The following SOX5 variants were observed in gnomAD, a reference collection of about 807,000 sequenced individuals.
The protein encoded by SOX5 is SRY-box transcription factor 5, also known as transcription factor SOX-5.
In SOX5, 9 loss-of-function variants were observed where a neutral mutation model predicts 92.0. The observed-to-expected ratio is 0.10, with a 90% CI of 0.06 to 0.17. The LOEUF (loss-of-function observed/expected upper bound fraction) is 0.17. Among genes scored for constraint, SOX5 ranks in the 10% least tolerant of loss-of-function variants. The pLI is 1.00. For synonymous variants in SOX5, 344 were observed against 336.3 expected, an observed-to-expected ratio of 1.02 and a Z score of -0.25; for missense variants, 642 against 944.5, an observed-to-expected ratio of 0.68 and a Z score of 4.20.
chr12:23,801,026 A>G (rs763894636), intron 3 of SOX5, among the ~76,000 whole-genome samples: 3 of 152,166 alleles, frequency 2.0e-5, no homozygotes, highest in Non-Finnish European at 2.9e-5. Flanking sequence ...CAAGGAAAAC[A>G]CTATACTGTT....
chr12:24,134,253 A>G (rs1949915810), intron 4 of SOX5, among the ~76,000 whole-genome samples: 1 of 152,190 alleles, frequency 6.6e-6, no homozygotes, highest in East Asian at 1.9e-4. Flanking sequence ...GGAATGAAGA[A>G]AAGTATCTGC....
rs905764051 is a variant in SOX5, at chr12:24,139,583, T to C, written c.-2+73760A>G. Among the ~76,000 whole-genome samples the C allele has an allele frequency of 4.6e-5, 7 of 152,316 alleles. No individual in the cohort carries two copies. The East Asian group carries it at 1.3e-3, about 29-fold the overall frequency. The stretch of plus-strand genomic sequence containing the variant: ...TGTTTCTGTGGTTAGCCCACAAAAA[T>C]AGTTTTTTGTTTGTTGGTTTTGCAA... On this transcript the variant is annotated intron_variant, in intron 4 of 4. Transcript: ENST00000446891.
At chr12:23,553,470 A>G (rs1228553084) in intron 11 of SOX5, among the ~76,000 whole-genome samples, 1 of 152,090 alleles carries the variant, frequency 6.6e-6, no homozygotes, top group Non-Finnish European at 1.5e-5. Context: ...ATACTATCAC[A>G]GTAAAATATG....
intron 8 of SOX5, among the ~76,000 whole-genome samples, chr12:23,626,671 CTTT>C (rs370910356): frequency 1.3e-4 from 15 of 116,508 alleles, no homozygotes; most frequent in African/African-American, 3.9e-4. Context: ...TTCATTAGTG[CTTT>C]TTTTTTTTTT....
chr12:24,561,357 G>C (rs1004705855), intron 1 of SOX5, among the ~76,000 whole-genome samples: 3 of 152,140 alleles, frequency 2.0e-5, no homozygotes, highest in African/African-American at 7.2e-5. Flanking sequence ...ATTCACCAGG[G>C]TCAATCTATT....
At chr12:24,503,835 G>T (rs1408373990) in intron 1 of SOX5, among the ~76,000 whole-genome samples, 2 of 152,116 alleles carry the variant, frequency 1.3e-5, no homozygotes, top group African/African-American at 4.8e-5. Flanking sequence ...GGGTTGGTGG[G>T]TAGGGGAGGG....
chr12:24,308,099 A>C (rs192285412), intron 2 of SOX5, among the ~76,000 whole-genome samples: 1 of 152,108 alleles, frequency 6.6e-6, no homozygotes, highest in East Asian at 1.9e-4. Flanking sequence ...GTGCTCAAGC[A>C]TGCCTATTAA....
intron 3 of SOX5, among the ~76,000 whole-genome samples, chr12:23,765,559 C>T (rs1197896240): frequency 6.6e-6 from 1 of 152,012 alleles, no homozygotes; most frequent in Non-Finnish European, 1.5e-5. Context: ...ACTTTTCCTG[C>T]ATCACCAGAG....
rs200492771 is a variant in SOX5 at position 24,114,617 on chromosome 12, GA to G, written c.-2+98725del. Among the ~76,000 whole-genome samples, 1,087 of 113,708 alleles carry G rather than the reference GA, an allele frequency of 9.6e-3. 14 individuals are homozygous for G. Among genetic ancestry groups the G allele is most frequent in the African/African-American group, 0.034 (1,041 of 30,948 alleles). 74.6% of individuals were successfully genotyped at this position (113,708 alleles called of 152,430 possible). A position where few individuals can be genotyped will look rare whatever the true frequency, so the allele number is the denominator to read the frequency against. Reference sequence around the variant, plus strand: ...AAAAAAAAAAAAAATTAACAGACTTGAAAAAAATATTGAATTTATAAAATAG... The same window carrying G: ...AAAAAAAAAAAAAATTAACAGACTTGAAAAAATATTGAATTTATAAAATAG... On this transcript the variant is annotated intron_variant, in intron 4 of 4. Coordinates refer to the SOX5 transcript ENST00000446891.
intron 4 of SOX5, among the ~76,000 whole-genome samples, chr12:23,961,598 A>G (rs1266673502): frequency 6.6e-6 from 1 of 152,126 alleles, no homozygotes; most frequent in East Asian, 1.9e-4. Context: ...ATCACCCCCT[A>G]TTGGAATCTT....
At chr12:24,450,869 T>A (rs749139577) in intron 1 of SOX5, among the ~76,000 whole-genome samples, 2 of 152,190 alleles carry the variant, frequency 1.3e-5, no homozygotes, top group Non-Finnish European at 2.9e-5. Flanking sequence ...TTTACTATAG[T>A]CCTCCTGTTG....
intron 1 of SOX5, among the ~76,000 whole-genome samples, chr12:24,406,434 A>T (rs1180497750): frequency 6.6e-6 from 1 of 152,114 alleles, no homozygotes; most frequent in African/African-American, 2.4e-5. Context: ...TTAATATAAC[A>T]TTCGTTCAAG....
chr12:23,650,062 TA>T (rs2081359983), intron 7 of SOX5, among the ~76,000 whole-genome samples: 2 of 152,058 alleles, frequency 1.3e-5, no homozygotes, highest in African/African-American at 4.8e-5. Flanking sequence ...TTGCCTTCTG[TA>T]GGTGCTGGGA....
rs550448778 is a variant in SOX5 at position 23,562,367 on chromosome 12, T to C, written c.1488+891A>G. Among the ~76,000 whole-genome samples the C allele has an allele frequency of 2.0e-3, 299 of 152,310 alleles. 1 individual carries two copies. Among genetic ancestry groups the C allele is most frequent in the African/African-American group, 6.5e-3 (272 of 41,562 alleles). On this transcript the variant is annotated intron_variant, in intron 11 of 14. Coordinates refer to ENST00000451604, the MANE Select transcript of SOX5 (RefSeq NM_006940.6). The stretch of plus-strand genomic sequence containing the variant: ...TAGTGATTATACATCAAACTCCACA[T>C]AAAACCTTGGAAACTAGAAAGCTAT...
chr12:24,315,085 C>T (rs1949574299), intron 2 of SOX5, among the ~76,000 whole-genome samples: 1 of 152,146 alleles, frequency 6.6e-6, no homozygotes, highest in Non-Finnish European at 1.5e-5. Flanking sequence ...AAAGAAACTT[C>T]CCTGAAATCA....
At chr12:24,250,436 G>C (rs968608869) in intron 3 of SOX5, among the ~76,000 whole-genome samples, 1 of 152,130 alleles carries the variant, frequency 6.6e-6, no homozygotes, top group African/African-American at 2.4e-5. Flanking sequence ...GCCTAAACAA[G>C]TCAAAAGGTT....
chr12:23,940,711 A>G (rs949541269), intron 1 of SOX5, among the ~76,000 whole-genome samples: 1 of 149,934 alleles, frequency 6.7e-6, no homozygotes, highest in Non-Finnish European at 1.5e-5. Context: ...AACCTAGAAG[A>G]GGAAATTATT....
intron 2 of SOX5, among the ~76,000 whole-genome samples, chr12:24,341,130 G>A (rs867642699): frequency 3.3e-5 from 5 of 152,176 alleles, no homozygotes; most frequent in South Asian, 2.1e-4. Flanking sequence ...TAATCTACTC[G>A]TGATAGTTTT....
At chr12:24,054,242 GT>G (rs905743220) in intron 4 of SOX5, among the ~76,000 whole-genome samples, 2 of 152,162 alleles carry the variant, frequency 1.3e-5, no homozygotes, top group African/African-American at 2.4e-5. Flanking sequence ...AAGTAAAAGA[GT>G]TATGTCCCTT....
Sources: gnomAD v4.1 joint callset for allele counts (sites outside exome capture counted in the v4.1 genomes callset) on GRCh38, gnomAD v4.1.1 for gene constraint, MANE v1.5 for transcripts, NCBI Gene and HGNC (gene_info 2026-07-23, HGNC 2026-07-21) for gene names.